ZNF544: variants seen among roughly 807,000 people sequenced by gnomAD.
ZNF544 encodes zinc finger protein AF020591.
A neutral mutation model predicts 13.5 loss-of-function variants in ZNF544; 10 were observed. That is an observed-to-expected ratio of 0.74 (90% CI 0.46 to 1.25). The LOEUF (loss-of-function observed/expected upper bound fraction) is 1.25. ZNF544 is among the 50% of genes most tolerant of loss of function. ZNF544 has a pLI of 0.00. For synonymous variants in ZNF544, 323 were observed against 300.5 expected (o/e 1.07, Z -0.77); for missense variants, 896 against 845.6 (o/e 1.06, Z -0.74).
downstream of ZNF544, chr19:58,263,772 C>T (rs545822460): frequency 1.7e-5 from 3 of 174,248 alleles, no homozygotes; most frequent in Non-Finnish European, 2.3e-5. Context: ...ACCAGCCTGG[C>T]AAACATGGCA....
intron 3 of ZNF544, among the ~76,000 whole-genome samples, chr19:58,237,859 G>T (rs968249419): frequency 2.0e-5 from 3 of 152,230 alleles, no homozygotes; most frequent in Non-Finnish European, 4.4e-5. Flanking sequence ...GCCTGAAAAT[G>T]CGTCTGGAGG....
chr19:58,242,194 G>A (rs776727809), intron 3 of ZNF544: 16 of 982,868 alleles, frequency 1.6e-5, no homozygotes, highest in Admixed American at 6.2e-5. Context: ...TGAGGCTGCT[G>A]TGAGGTGGCC....
intron 3 of ZNF544, among the ~76,000 whole-genome samples, chr19:58,235,133 C>A (rs2042111854): frequency 6.6e-6 from 1 of 152,320 alleles, no homozygotes; most frequent in Middle Eastern, 3.4e-3. Flanking sequence ...CTTACACAGA[C>A]CTACATGGTT....
chr19:58,243,888 C>T (rs79463936), intron 3 of ZNF544, 77 bp from the exon 4 acceptor site: 36,613 of 1,229,948 alleles, frequency 0.03, 1,794 homozygotes, highest in African/African-American at 0.19. Context: ...GCCGGCCCCG[C>T]GTTCTCTAGG....
At chr19:58,256,007 G>A (rs904018563) in intron 6 of ZNF544, among the ~76,000 whole-genome samples, 7 of 152,296 alleles carry the variant, frequency 4.6e-5, no homozygotes, top group Admixed American at 2.6e-4. Flanking sequence ...GGGTGGTAGC[G>A]GTCAGGCACT....
intron 3 of ZNF544, among the ~76,000 whole-genome samples, chr19:58,234,159 C>G (rs2041922959): frequency 6.6e-6 from 1 of 152,208 alleles, no homozygotes; most frequent in South Asian, 2.1e-4. Context: ...AATGCCTTCT[C>G]TCTCTCTGAG....
At chr19:58,253,176 T>TAA (rs2147298749) in intron 6 of ZNF544, among the ~76,000 whole-genome samples, 1 of 152,352 alleles carries the variant, frequency 6.6e-6, no homozygotes, top group South Asian at 2.1e-4. Flanking sequence ...AAAACAATTT[T>TAA]AAGATTTTAA....
In ZNF544 at chr19:58,261,412, G is replaced by A. The variant is rs777818335; in HGVS notation, c.806G>A (p.Ser269Asn). The A allele has an allele frequency of 4.3e-6, 7 of 1,614,024 alleles. No homozygotes were observed. The highest frequency in any genetic ancestry group is 1.6e-4 in the Middle Eastern group (1 of 6,084). ...FHGRTFSVKK[S>N]DDCKDYGNLF... ...GGTAGAACTTTTTCAGTGAAGAAAA[G>A]TGATGACTGTAAGGATTATGGAAAC... The change falls in exon 7 of 7, where the codon AGT (serine) becomes AAT (asparagine). Residue 269 changes from serine to asparagine, a missense_variant. Coordinates refer to ENST00000687789, the MANE Select transcript of ZNF544 (RefSeq NM_014480.4).
intron 6 of ZNF544, chr19:58,257,796 A>G (rs2047854523): frequency 6.6e-6 from 1 of 152,194 alleles, no homozygotes; most frequent in Admixed American, 6.6e-5. Context: ...GGGGTCATTC[A>G]CTACGTAGCC....
chr19:58,256,148 C>G (rs1169366283), intron 6 of ZNF544, among the ~76,000 whole-genome samples: 1 of 152,140 alleles, frequency 6.6e-6, no homozygotes, highest in Non-Finnish European at 1.5e-5. Context: ...GAAAAGGATT[C>G]CCCTATATGG....
At chr19:58,263,853 G>C (rs547149197), downstream of ZNF544, 1 of 152,398 alleles carries the variant, frequency 6.6e-6, no homozygotes, top group East Asian at 1.9e-4. Flanking sequence ...CCAGCACTTA[G>C]GTAGGCCAAG....
Position 58,262,725 on chromosome 19 carries a change from C to T in ZNF544, c.2119C>T (p.Arg707Trp), listed in dbSNP as rs199643913. 5.6e-5 allele frequency: 90 copies of T among 1,606,934 alleles called. No homozygotes were observed. The Middle Eastern group carries it at 6.6e-4, about 12-fold the overall frequency. The change falls in exon 7 of 7, where the codon CGG (arginine) becomes TGG (tryptophan). Residue 707 changes from arginine (R) to tryptophan (W), a missense_variant. Coordinates refer to ENST00000687789, the MANE Select transcript of ZNF544 (RefSeq NM_014480.4). ...GCAGCAATCTCAACTTGTAGTGCATCGGCGGACACATACTGGAGAGAAACC... is the reference window on the plus strand; with the variant it reads ...GCAGCAATCTCAACTTGTAGTGCATTGGCGGACACATACTGGAGAGAAACC... ...FRQQSQLVVH[R>W]RTHTGEKP is the part of the protein sequence containing the mutation.
At chr19:58,254,068 C>A (rs918858188) in intron 6 of ZNF544, among the ~76,000 whole-genome samples, 1 of 152,020 alleles carries the variant, frequency 6.6e-6, no homozygotes, top group Non-Finnish European at 1.5e-5. Flanking sequence ...ACTAAAAATA[C>A]AAAAAATTAG....
chr19:58,275,740 AC>A (rs2051160438), intron 5 of ZNF544, among the ~76,000 whole-genome samples: 1 of 140,954 alleles, frequency 7.1e-6, no homozygotes. Flanking sequence ...AGCTGTGATC[AC>A]ACCACTGCTC....
intron 4 of ZNF544, chr19:58,246,006 G>C (rs1423096893): frequency 2.6e-6 from 1 of 389,376 alleles, no homozygotes; most frequent in Non-Finnish European, 4.9e-6. Context: ...CTGGAGGCTG[G>C]TAAGTCCAAG....
In ZNF544 at chr19:58,261,782, C is replaced by T; in HGVS notation, c.1176C>T (p.Ser392=). ...CTQCGKSFSQ[S]YDLVIHQRTH... is the part of the protein sequence containing the mutation. ...AGTGTGGGAAATCTTTTAGCCAGAG[C>T]TATGACCTTGTCATACATCAGAGGA... The change falls in exon 7 of 7, where the codon AGC becomes AGT. Residue 392 remains serine (S), a synonymous_variant. Transcript: ENST00000687789. The T allele has an allele frequency of 1.2e-6, 2 of 1,613,090 alleles. No individual in the cohort carries two copies. Among genetic ancestry groups the T allele is most frequent in the Non-Finnish European group, 1.7e-6 (2 of 1,179,752 alleles).
At chr19:58,269,015 G>T (rs1451160453), downstream of ZNF544, among the ~76,000 whole-genome samples, 1 of 152,128 alleles carries the variant, frequency 6.6e-6, no homozygotes, top group Non-Finnish European at 1.5e-5. Flanking sequence ...TTTCCACATT[G>T]AACAAATAAG....
At chr19:58,277,191 C>G (rs1330067282) in exon 7 of ZNF544, 3 of 1,231,470 alleles carry the variant, frequency 2.4e-6, no homozygotes, top group Admixed American at 4.2e-5. Context: ...AGGAACGAGG[C>G]CCAGCAAAAA....
intron 5 of ZNF544, among the ~76,000 whole-genome samples, chr19:58,272,260 C>G (rs1452391082): frequency 1.3e-5 from 2 of 151,656 alleles, no homozygotes; most frequent in Non-Finnish European, 2.9e-5. Flanking sequence ...GGTTCCTTGG[C>G]TTCCTAGAAT....
Sources: allele counts gnomAD v4.1 joint callset (sites outside exome capture counted in the v4.1 genomes callset), GRCh38; gene constraint gnomAD v4.1.1; transcripts MANE v1.5; gene names NCBI Gene and HGNC (gene_info 2026-07-23, HGNC 2026-07-21).